Variants in DCAF1 observed in about 807,000 individuals in gnomAD.
The protein encoded by DCAF1 is DDB1 and CUL4 associated factor 1.
A neutral mutation model predicts 128.0 loss-of-function variants in DCAF1; 15 were observed. That is an observed-to-expected ratio of 0.12 (90% confidence interval 0.08 to 0.18). The LOEUF (loss-of-function observed/expected upper bound fraction) is 0.18, where lower values mean the gene tolerates loss of function less well. Among genes scored for constraint, DCAF1 ranks in the 10% least tolerant of loss-of-function variants. DCAF1 has a pLI of 1.00. For synonymous variants in DCAF1, 610 were observed against 603.0 expected (o/e 1.01, Z -0.17); for missense variants, 988 against 1,649.5 (o/e 0.60, Z 6.95).
At chr3:51,478,155 C>T (rs374650846) in intron 3 of DCAF1, among the ~76,000 whole-genome samples, 3 of 152,034 alleles carry the variant, frequency 2.0e-5, no homozygotes, top group East Asian at 3.9e-4. Context: ...AGGCACGTGC[C>T]ACCACGCCTG....
chr3:51,407,253 GCC>G (rs1559473511), intron 23 of DCAF1, among the ~76,000 whole-genome samples: 63 of 150,068 alleles, frequency 4.2e-4, no homozygotes, highest in Middle Eastern at 3.5e-3. Context: ...ATGTATAAAT[GCC>G]TACTTTTTAA....
At chr3:51,415,946 T>C (rs1484316169) in intron 18 of DCAF1, among the ~76,000 whole-genome samples, 2 of 152,070 alleles carry the variant, frequency 1.3e-5, no homozygotes, top group Non-Finnish European at 2.9e-5. Context: ...ATCTCAAATT[T>C]CATGTGTCCA....
chr3:51,471,009 G>T lies in DCAF1; in HGVS notation c.111-4C>A. ...TTTTTCAATCAATTGAGACATCCTA[G>T]CACAAAGGAAACAAGGGGTCAACTC... On this transcript the variant is annotated splice_region_variant and splice_polypyrimidine_tract_variant and intron_variant, in intron 3 of 24. Coordinates refer to ENST00000684031, the MANE Select transcript of DCAF1 (RefSeq NM_001387579.1). 6.3e-7 allele frequency: 1 copy of T among 1,596,858 alleles called. No individual in the cohort carries two copies. Among genetic ancestry groups the T allele is most frequent in the Non-Finnish European group, 8.6e-7 (1 of 1,168,486 alleles).
intron 3 of DCAF1, among the ~76,000 whole-genome samples, chr3:51,477,928 A>G (rs556543532): frequency 1.3e-4 from 20 of 152,008 alleles, no homozygotes; most frequent in Non-Finnish European, 2.4e-4. Flanking sequence ...ACACACACAC[A>G]CAAACCATGC....
Position 51,428,210 on chromosome 3 carries a change from C to T in DCAF1, c.1678-669G>A, listed in dbSNP as rs567836986. ...ACTTTTTTTTTTCTTGAGACTGGTTCTCACTCTGTTGCCCAGACTGGAGTG... is the reference window on the plus strand; with the variant it reads ...ACTTTTTTTTTTCTTGAGACTGGTTTTCACTCTGTTGCCCAGACTGGAGTG... On this transcript the variant is annotated intron_variant, in intron 12 of 24. Coordinates refer to ENST00000684031, the MANE Select transcript of DCAF1 (RefSeq NM_001387579.1). Among the ~76,000 whole-genome samples, 184 of 151,836 alleles carry T rather than the reference C, an allele frequency of 1.2e-3. 2 individuals are homozygous for T. The highest frequency in any genetic ancestry group is 2.4e-3 in the Admixed American group (36 of 15,206).
chr3:51,407,128 GC>G (rs2090174994), intron 23 of DCAF1, among the ~76,000 whole-genome samples: 2 of 127,852 alleles, frequency 1.6e-5, no homozygotes, highest in East Asian at 4.7e-4. Flanking sequence ...GGAGGCGGAA[GC>G]CTGGGCGAGA....
intron 6 of DCAF1, among the ~76,000 whole-genome samples, chr3:51,450,449 G>A (rs1156470138): frequency 1.3e-5 from 2 of 152,022 alleles, no homozygotes; most frequent in Non-Finnish European, 2.9e-5. Context: ...GGAATTCAAA[G>A]ACAGTTCAAC....
chr3:51,469,481 C>T (rs900283036), intron 4 of DCAF1, among the ~76,000 whole-genome samples: 2 of 151,782 alleles, frequency 1.3e-5, no homozygotes, highest in Non-Finnish European at 2.9e-5. Flanking sequence ...CCTCCTGCCT[C>T]GGCCTCCCAA....
chr3:51,444,865 C>T (rs971240552), intron 6 of DCAF1, among the ~76,000 whole-genome samples: 3 of 150,892 alleles, frequency 2.0e-5, no homozygotes, highest in Non-Finnish European at 2.9e-5. Context: ...TTAGTAGAGA[C>T]GGGGTTTCAC....
At chr3:51,485,292 A>C (rs1228987844) in intron 2 of DCAF1, among the ~76,000 whole-genome samples, 4 of 152,192 alleles carry the variant, frequency 2.6e-5, no homozygotes, top group African/African-American at 9.6e-5. Context: ...GAACACTATA[A>C]AACTCATTTA....
chr3:51,496,905 A>G (rs1364375057), intron 1 of DCAF1, among the ~76,000 whole-genome samples, 125 bp from the exon 2 acceptor site: 11 of 152,266 alleles, frequency 7.2e-5, no homozygotes, highest in African/African-American at 2.6e-4. Context: ...CTGCTAGGGT[A>G]TTTAGGGATG....
At chr3:51,412,109 T>TTAA (rs1312612615) in intron 23 of DCAF1, among the ~76,000 whole-genome samples, 1 of 29,460 alleles carries the variant, frequency 3.4e-5, no homozygotes, top group African/African-American at 1.4e-4. Flanking sequence ...AACTCCATTC[T>TTAA]AAAAAAAAAA....
chr3:51,432,006 C>T (rs1281781448), intron 10 of DCAF1, among the ~76,000 whole-genome samples: 1 of 151,642 alleles, frequency 6.6e-6, no homozygotes, highest in Non-Finnish European at 1.5e-5. Context: ...GGCATGGTGG[C>T]TCACGCCTGT....
chr3:51,397,594 G>A (rs567598590), downstream of DCAF1: 1 of 167,180 alleles, frequency 6.0e-6, no homozygotes, highest in South Asian at 2.1e-4. Flanking sequence ...AGAGAGCTGC[G>A]TCCACAGGGA....
chr3:51,434,801 C>G (rs1700670553), intron 9 of DCAF1, among the ~76,000 whole-genome samples: 1 of 152,152 alleles, frequency 6.6e-6, no homozygotes, highest in Non-Finnish European at 1.5e-5. Context: ...TCCCACTAGC[C>G]TCTCTGGGTG....
downstream of DCAF1, chr3:51,396,784 A>C (rs12637997): frequency 0.16 from 26,910 of 167,156 alleles, 2,539 homozygotes; most frequent in South Asian, 0.34. Flanking sequence ...GGGTGCTCCC[A>C]GCAGAGTTGA....
At chr3:51,413,437 T>C in intron 20 of DCAF1, 51 bp from the exon 21 acceptor site, 1 of 1,568,844 alleles carries the variant, frequency 6.4e-7, no homozygotes, top group Non-Finnish European at 8.6e-7. Context: ...AAACATCCCC[T>C]CTTCACAAGT....
chr3:51,505,081 A>G, the DCAF1 span, among the ~76,000 whole-genome samples: 2 of 151,902 alleles, frequency 1.3e-5, no homozygotes, highest in African/African-American at 4.8e-5. Flanking sequence ...GGCCAGCATG[A>G]CAAAACCCCA....
chr3:51,483,350 G>A (rs1199852515), intron 3 of DCAF1, among the ~76,000 whole-genome samples: 2 of 151,156 alleles, frequency 1.3e-5, no homozygotes, highest in Non-Finnish European at 2.9e-5. Context: ...TGAGGCAGGA[G>A]AACCCCTTGA....
Sources: gnomAD v4.1 joint callset for allele counts (sites outside exome capture counted in the v4.1 genomes callset) on GRCh38, gnomAD v4.1.1 for gene constraint, MANE v1.5 for transcripts, NCBI Gene and HGNC (gene_info 2026-07-23, HGNC 2026-07-21) for gene names.